Variants in CCND3 observed in about 807,000 individuals in gnomAD.
CCND3 encodes cyclin D3.
Under a neutral mutation model 28.7 loss-of-function variants are expected in CCND3, and 9 were observed. The ratio of observed to expected loss-of-function variants is 0.31; its 90% confidence interval spans 0.19 to 0.55. The LOEUF (loss-of-function observed/expected upper bound fraction) is 0.55, where lower values mean the gene tolerates loss of function less well. Ranked by LOEUF, CCND3 falls within the 20% of genes least tolerant of loss-of-function variation. The pLI, the probability that CCND3 is intolerant of heterozygous loss-of-function variation, is 0.93. For missense variants in CCND3, 315 were observed against 385.8 expected, an observed-to-expected ratio of 0.82 and a Z score of 1.54; for synonymous variants, 164 against 163.9, an observed-to-expected ratio of 1.00 and a Z score of 0.00.
intron 1 of CCND3, among the ~76,000 whole-genome samples, chr6:41,962,485 C>A (rs543457662): frequency 6.6e-6 from 1 of 152,172 alleles, no homozygotes; most frequent in Admixed American, 6.5e-5. Flanking sequence ...GGCACAGTGG[C>A]TTACACCTGT....
intron 1 of CCND3, among the ~76,000 whole-genome samples, chr6:42,037,245 GT>G (rs112110003): frequency 1.2e-3 from 148 of 126,564 alleles, no homozygotes; most frequent in Admixed American, 3.4e-3. Context: ...CGGCCGTTTT[GT>G]TTTTTTTTTT....
At chr6:42,033,212 G>A (rs1198783211) in intron 1 of CCND3, among the ~76,000 whole-genome samples, 1 of 152,066 alleles carries the variant, frequency 6.6e-6, no homozygotes. Context: ...AGCACTTTGG[G>A]AGGCCGAGGC....
chr6:41,940,299 T>G (rs1271131902), intron 2 of CCND3, 71 bp downstream of exon 2: 2 of 1,378,828 alleles, frequency 1.5e-6, no homozygotes, highest in East Asian at 4.6e-5. Flanking sequence ...GCCTCTGATA[T>G]CTCAAGCTTT....
At chr6:41,974,492 G>A (rs1762118862) in intron 1 of CCND3, among the ~76,000 whole-genome samples, 1 of 152,132 alleles carries the variant, frequency 6.6e-6, no homozygotes, top group Non-Finnish European at 1.5e-5. Flanking sequence ...GGCTCACTCA[G>A]TGTACAGTGA....
rs1163092360 is a variant in CCND3 at position 42,048,629 on chromosome 6, C to CT, written c.-175dup. 2 of 517,960 alleles carry CT rather than the reference C, an allele frequency of 3.9e-6. No individual in the cohort carries two copies. Among genetic ancestry groups the CT allele is most frequent in the Admixed American group, 1.9e-5 (1 of 51,424 alleles). 32.1% of individuals were successfully genotyped at this position (517,960 alleles called of 1,614,324 possible). A position where few individuals can be genotyped will look rare whatever the true frequency, so the allele number is the denominator to read the frequency against. On this transcript the variant is annotated 5_prime_UTR_variant, in exon 1 of 5. Transcript: ENST00000372988. The surrounding 1 kb of genome is among the most constrained non-coding windows in gnomAD (Gnocchi z 4.7). ...CAGCCGCGAGGAGAGGATTGCACCT[C>CT]TCCCCCCCGGCCGGCATCCGAACAG...
At chr6:42,035,738 C>T (rs1337366535) in intron 1 of CCND3, among the ~76,000 whole-genome samples, 3 of 148,556 alleles carry the variant, frequency 2.0e-5, no homozygotes, top group Non-Finnish European at 4.4e-5. Flanking sequence ...AGTACAGTAG[C>T]GCGATCTCGG....
At chr6:41,953,006 TTATGCCTG>T in intron 1 of CCND3, among the ~76,000 whole-genome samples, 1 of 152,172 alleles carries the variant, frequency 6.6e-6, no homozygotes, top group East Asian at 1.9e-4. Context: ...GTGCAGTGGC[TTATGCCTG>T]TAATCCCAGC....
intron 1 of CCND3, among the ~76,000 whole-genome samples, chr6:42,038,437 G>A (rs887770009): frequency 6.6e-6 from 1 of 151,954 alleles, no homozygotes; most frequent in Non-Finnish European, 1.5e-5. Context: ...TTACTTGGGA[G>A]GTTGAGGCAG....
chr6:41,965,508 G>T (rs1365215048), intron 1 of CCND3, among the ~76,000 whole-genome samples: 9 of 152,126 alleles, frequency 5.9e-5, no homozygotes, highest in Admixed American at 5.9e-4. Context: ...CACGCCTCTG[G>T]AAGTCCTTAG....
At chr6:41,972,152 T>C (rs1014223517) in intron 1 of CCND3, among the ~76,000 whole-genome samples, 9 of 143,292 alleles carry the variant, frequency 6.3e-5, no homozygotes, top group Non-Finnish European at 1.4e-4. Context: ...GGCGTGAACC[T>C]GGGAGGTGGA....
chr6:41,951,381 C>G (rs1271229751), intron 1 of CCND3, among the ~76,000 whole-genome samples: 1 of 151,376 alleles, frequency 6.6e-6, no homozygotes, highest in African/African-American at 2.4e-5. Flanking sequence ...GGTGAAACCC[C>G]GTCTGTACTA....
At chr6:42,000,564 CTTTT>C (rs774090777) in intron 1 of CCND3, among the ~76,000 whole-genome samples, 1 of 85,516 alleles carries the variant, frequency 1.2e-5, no homozygotes, top group Non-Finnish European at 2.0e-5. Context: ...TGAAACGAAT[CTTTT>C]TTTTTTTTTT....
intron 1 of CCND3, among the ~76,000 whole-genome samples, chr6:41,964,520 G>A (rs538338779): frequency 6.6e-6 from 1 of 151,978 alleles, no homozygotes; most frequent in African/African-American, 2.4e-5. Context: ...GTGTGAGTGT[G>A]TATGTGTGTG....
At chr6:41,965,372 T>C (rs370401053) in intron 1 of CCND3, among the ~76,000 whole-genome samples, 26 of 151,984 alleles carry the variant, frequency 1.7e-4, no homozygotes, top group African/African-American at 5.8e-4. Flanking sequence ...CCAGCAATAA[T>C]AGGTAACTTC....
At chr6:41,940,722 AT>A in intron 1 of CCND3, 137 bp from the exon 2 acceptor site, 1 of 752,212 alleles carries the variant, frequency 1.3e-6, no homozygotes. Context: ...ACAAGGACCA[AT>A]AAAGGAGGAG....
At chr6:41,956,972 A>C (rs1776454261) in intron 1 of CCND3, among the ~76,000 whole-genome samples, 1 of 152,174 alleles carries the variant, frequency 6.6e-6, no homozygotes, top group African/African-American at 2.4e-5. Flanking sequence ...CGGAACTTGC[A>C]GTGAGCCAAG....
At chr6:41,981,578 C>T (rs1762349551) in intron 1 of CCND3, among the ~76,000 whole-genome samples, 1 of 151,864 alleles carries the variant, frequency 6.6e-6, no homozygotes, top group Non-Finnish European at 1.5e-5. Flanking sequence ...GGCTGGAGTG[C>T]AGTGGCGTGT....
chr6:41,977,040 A>G (rs1436993983), intron 1 of CCND3, among the ~76,000 whole-genome samples: 1 of 152,116 alleles, frequency 6.6e-6, no homozygotes, highest in South Asian at 2.1e-4. Flanking sequence ...CCACTCTCCT[A>G]TCCAAAAGCT....
chr6:41,967,005 T>C (rs1341858322), intron 1 of CCND3, among the ~76,000 whole-genome samples: 1 of 152,204 alleles, frequency 6.6e-6, no homozygotes, highest in Non-Finnish European at 1.5e-5. Context: ...GCATGCTTTG[T>C]GTCAGGCCTT....
Sources: allele counts gnomAD v4.1 joint callset (sites outside exome capture counted in the v4.1 genomes callset), GRCh38; gene constraint gnomAD v4.1.1; non-coding constraint Gnocchi (gnomAD v3.1); transcripts MANE v1.5; gene names NCBI Gene and HGNC (gene_info 2026-07-23, HGNC 2026-07-21).